Variants in CSMD1 observed in about 807,000 individuals in gnomAD.
CSMD1 encodes CUB and Sushi multiple domains 1.
A neutral mutation model predicts 417.5 loss-of-function variants in CSMD1; 213 were observed. The observed-to-expected ratio is 0.51, with a 90% CI of 0.46 to 0.57. CSMD1 has a LOEUF of 0.57. CSMD1 is among the 20% of genes least tolerant of loss of function. CSMD1 has a pLI of 0.00. For synonymous variants in CSMD1, 2,862 were observed against 1,736.8 expected (o/e 1.65, Z -16.11); for missense variants, 6,923 against 4,529.7 (o/e 1.53, Z -15.17).
chr8:3,982,623 A>G (rs1279643013), intron 5 of CSMD1, among the ~76,000 whole-genome samples: 1 of 152,110 alleles, frequency 6.6e-6, no homozygotes, highest in Non-Finnish European at 1.5e-5. Flanking sequence ...GAGAGAAAAA[A>G]AAAAAGCCAT....
intron 1 of CSMD1, among the ~76,000 whole-genome samples, chr8:4,699,556 G>A (rs926683768): frequency 9.2e-5 from 14 of 151,892 alleles, no homozygotes; most frequent in Admixed American, 3.9e-4. Context: ...TCTTCTGTGT[G>A]GATCCTTTCT....
intron 3 of CSMD1, among the ~76,000 whole-genome samples, chr8:4,196,417 T>A (rs1017295045): frequency 6.6e-6 from 1 of 152,128 alleles, no homozygotes; most frequent in South Asian, 2.1e-4. Context: ...ATCAAGGCGT[T>A]TTCAGGCTAC....
At chr8:2,966,475 T>TA (rs1169725055) in intron 58 of CSMD1, 95 bp downstream of exon 58, 17 of 1,104,896 alleles carry the variant, frequency 1.5e-5, no homozygotes, top group South Asian at 3.8e-5. Context: ...GAATTAAAAA[T>TA]AAAAAAACAG....
chr8:4,925,232 T>TC (rs1483184799), intron 1 of CSMD1, among the ~76,000 whole-genome samples: 2 of 141,464 alleles, frequency 1.4e-5, no homozygotes, highest in African/African-American at 5.2e-5. Flanking sequence ...TTTTTTTTTT[T>TC]TTTTTTTTGC....
chr8:3,938,998 G>A (rs1016663163), intron 5 of CSMD1, among the ~76,000 whole-genome samples: 5 of 152,130 alleles, frequency 3.3e-5, no homozygotes, highest in Non-Finnish European at 4.4e-5. Flanking sequence ...ATGGGGTGGG[G>A]TAGAATATTA....
At chr8:4,197,184 A>G (rs1164935893) in intron 3 of CSMD1, among the ~76,000 whole-genome samples, 3 of 152,224 alleles carry the variant, frequency 2.0e-5, no homozygotes, top group South Asian at 4.1e-4. Flanking sequence ...AAATGTGTAT[A>G]AAAGTCCTAG....
At position 3,308,519 on chromosome 8, in the gene CSMD1, G is replaced by C. The variant is rs62504429; in HGVS notation, c.3632-16C>G. 18 of 1,600,254 alleles carry C rather than the reference G, an allele frequency of 1.1e-5. No individual in the cohort carries two copies. The highest frequency in any genetic ancestry group is 1.7e-5 in the Admixed American group (1 of 59,130). ...AGATCAAAACCTGCAAGAGAGAAAG[G>C]CAAGGAATGAACAGAACTCAAGGGT... On this transcript the variant is annotated splice_polypyrimidine_tract_variant and intron_variant, in intron 23 of 69. Transcript: ENST00000635120.
At chr8:3,358,775 A>G (rs1046815322) in intron 21 of CSMD1, among the ~76,000 whole-genome samples, 1 of 152,174 alleles carries the variant, frequency 6.6e-6, no homozygotes, top group African/African-American at 2.4e-5. Context: ...TGCTGCTTTT[A>G]ATCAATGCAA....
At chr8:3,286,856 T>C (rs1803201053) in intron 25 of CSMD1, among the ~76,000 whole-genome samples, 1 of 152,186 alleles carries the variant, frequency 6.6e-6, no homozygotes, top group African/African-American at 2.4e-5. Flanking sequence ...TTTTGGCTTT[T>C]GTTGCCATTG....
chr8:3,014,620 G>T (rs1475688048), intron 52 of CSMD1, among the ~76,000 whole-genome samples: 1 of 152,110 alleles, frequency 6.6e-6, no homozygotes, highest in African/African-American at 2.4e-5. Flanking sequence ...TATCTTTGGG[G>T]CGTGCCAGTT....
chr8:3,762,659 G>C (rs575110439), intron 5 of CSMD1, among the ~76,000 whole-genome samples: 67 of 152,184 alleles, frequency 4.4e-4, no homozygotes, highest in Non-Finnish European at 6.8e-4. Flanking sequence ...TGCTGACGCC[G>C]TACAGGCACA....
intron 7 of CSMD1, among the ~76,000 whole-genome samples, chr8:3,667,611 G>T (rs564859109): frequency 3.2e-4 from 49 of 152,284 alleles, no homozygotes; most frequent in African/African-American, 1.1e-3. Context: ...GTGAGTGACA[G>T]AGGAGTCCTC....
intron 5 of CSMD1, among the ~76,000 whole-genome samples, chr8:3,860,310 T>C (rs1313262090): frequency 6.6e-6 from 1 of 152,074 alleles, no homozygotes. Flanking sequence ...AAAACAAAGA[T>C]CTTTTAGAAT....
chr8:4,199,087 G>C (rs144000870), intron 3 of CSMD1, among the ~76,000 whole-genome samples: 4 of 152,168 alleles, frequency 2.6e-5, no homozygotes, highest in African/African-American at 9.6e-5. Context: ...TAGAGCCAGC[G>C]CCCAGCTCAC....
At chr8:4,591,976 G>C (rs755123007) in intron 2 of CSMD1, among the ~76,000 whole-genome samples, 2 of 152,082 alleles carry the variant, frequency 1.3e-5, no homozygotes, top group Non-Finnish European at 2.9e-5. Flanking sequence ...TGGAGATATT[G>C]GCAAAGGCAA....
At position 3,695,649 on chromosome 8, in the gene CSMD1, G is replaced by A. The variant is rs1800509659; in HGVS notation, c.1009+12765C>T. 2.0e-5 allele frequency among the ~76,000 whole-genome samples: 3 copies of A among 152,194 alleles called. No individual in the cohort carries two copies. The South Asian group carries it at 6.2e-4, about 32-fold the overall frequency. On this transcript the variant is annotated intron_variant, in intron 7 of 69. Transcript: ENST00000635120. ...AGCATCCAGAAAGGAAATTTAGGTC[G>A]AAATATATTAAAAATAATGATTAGA...
At chr8:3,370,901 G>A (rs187527635) in intron 18 of CSMD1, among the ~76,000 whole-genome samples, 60 of 152,126 alleles carry the variant, frequency 3.9e-4, no homozygotes, top group African/African-American at 1.2e-3. Flanking sequence ...ACTTAAACCC[G>A]GGATGCGGAG....
intron 23 of CSMD1, among the ~76,000 whole-genome samples, chr8:3,311,607 T>C (rs1805352053): frequency 6.6e-6 from 1 of 152,226 alleles, no homozygotes; most frequent in African/African-American, 2.4e-5. Flanking sequence ...TAGTATTGAA[T>C]ACTGTACAGG....
intron 3 of CSMD1, among the ~76,000 whole-genome samples, chr8:4,263,051 A>C (rs576009070): frequency 6.6e-6 from 1 of 152,322 alleles, no homozygotes; most frequent in African/African-American, 2.4e-5. Flanking sequence ...ACAGAATTGT[A>C]TTCTCTATGA....
Sources: gnomAD v4.1 joint callset for allele counts (sites outside exome capture counted in the v4.1 genomes callset) on GRCh38, gnomAD v4.1.1 for gene constraint, MANE v1.5 for transcripts, NCBI Gene and HGNC (gene_info 2026-07-23, HGNC 2026-07-21) for gene names.